Variants in TEAD4 observed in about 807,000 individuals in gnomAD.
The protein encoded by TEAD4 is TEA domain transcription factor 4.
Under a neutral mutation model 52.4 loss-of-function variants are expected in TEAD4, and 36 were observed. That is an observed-to-expected ratio of 0.69 (90% CI 0.53 to 0.91). The LOEUF is 0.91. TEAD4 is among the 40% of genes least tolerant of loss of function. The pLI, the probability that TEAD4 is intolerant of heterozygous loss-of-function variation, is 0.00. For synonymous variants in TEAD4, 220 were observed against 231.0 expected (o/e 0.95, Z 0.43); for missense variants, 508 against 583.9 (o/e 0.87, Z 1.34).
rs182934115 is a variant in TEAD4 at position 3,025,185 on chromosome 12, C to T, written c.897+3168C>T. ...TCTTGAACTCCTGACCTCAGGCGAT[C>T]TGCCCACCTCAGCCTCCCAGTGCTG... On this transcript the variant is annotated intron_variant, in intron 10 of 12. Coordinates refer to ENST00000359864, the MANE Select transcript of TEAD4 (RefSeq NM_003213.4). 4.7e-3 allele frequency among the ~76,000 whole-genome samples: 713 copies of T among 152,306 alleles called. 7 individuals are homozygous for T. The highest frequency in any genetic ancestry group is 0.016 in the African/African-American group (683 of 41,572).
At chr12:3,011,214 A>G (rs2153956615) in intron 4 of TEAD4, 146 bp downstream of exon 4, 1 of 715,588 alleles carries the variant, frequency 1.4e-6, no homozygotes, top group Non-Finnish European at 2.3e-6. Context: ...GGCGTGTCAC[A>G]GGTGGTCCAG....
rs1354224261 is a variant in TEAD4 at position 2,994,774 on chromosome 12, G to C, written c.8G>C (p.Gly3Ala). The stretch of plus-strand genomic sequence containing the variant: ...GCTCCTCCAAGCGGAGCCTTGGAGG[G>C]CACGGCCGGCACCATTACCTCCAAC... The change falls in exon 3 of 13, where the codon GGC becomes GCC. Residue 3 changes from glycine (G) to alanine (A), a missense_variant. By Grantham distance (60) the Gly-to-Ala change is moderately conservative. Transcript: ENST00000359864. This position sits in a 1 kb window ranked among gnomAD's most constrained non-coding sequence, Gnocchi z 4.7. 1 of 1,610,266 alleles carries C rather than the reference G, an allele frequency of 6.2e-7. No homozygotes were observed. Among genetic ancestry groups the C allele is most frequent in the Admixed American group, 1.7e-5 (1 of 59,706 alleles).
chr12:3,028,582 T>G (rs373271175), intron 10 of TEAD4, among the ~76,000 whole-genome samples: 4 of 152,350 alleles, frequency 2.6e-5, no homozygotes, highest in African/African-American at 9.6e-5. Flanking sequence ...ATGTGCTTAC[T>G]GGCCATTCGT....
At chr12:2,975,249 C>T (rs919532926) in intron 2 of TEAD4, among the ~76,000 whole-genome samples, 10 of 151,532 alleles carry the variant, frequency 6.6e-5, no homozygotes, top group Admixed American at 3.3e-4. Context: ...GTAGACTTCC[C>T]GTAGATACAT....
chr12:3,019,941 T>C (rs368137064), intron 8 of TEAD4, among the ~76,000 whole-genome samples: 4 of 152,220 alleles, frequency 2.6e-5, no homozygotes, highest in Admixed American at 1.3e-4. Context: ...ACTCCAGGCC[T>C]GCTGGCTTTT....
chr12:3,003,664 G>A (rs1314250232), intron 3 of TEAD4, among the ~76,000 whole-genome samples: 1 of 152,162 alleles, frequency 6.6e-6, no homozygotes, highest in African/African-American at 2.4e-5. Flanking sequence ...CCGTGGGTGT[G>A]AGCTGGGGGC....
intron 3 of TEAD4, among the ~76,000 whole-genome samples, chr12:3,009,462 A>G (rs1485615244): frequency 6.6e-6 from 1 of 152,184 alleles, no homozygotes; most frequent in African/African-American, 2.4e-5. Context: ...AAAGAAGAAG[A>G]GAAGGCTGAG....
At chr12:3,017,324 C>A in intron 5 of TEAD4, 74 bp from the exon 6 acceptor site, 1 of 1,601,724 alleles carries the variant, frequency 6.2e-7, no homozygotes, top group East Asian at 2.2e-5. Context: ...TTCCCTGACC[C>A]GAGGGCCGGA....
At chr12:2,996,841 G>C (rs984871436) in intron 3 of TEAD4, among the ~76,000 whole-genome samples, 1 of 152,110 alleles carries the variant, frequency 6.6e-6, no homozygotes, top group Admixed American at 6.6e-5. Context: ...TCACCCTCCC[G>C]AGTAGTTGGG....
chr12:3,011,531 C>T (rs550899435), intron 4 of TEAD4, among the ~76,000 whole-genome samples: 11 of 152,028 alleles, frequency 7.2e-5, no homozygotes, highest in African/African-American at 1.7e-4. Context: ...CACCCCCGGC[C>T]GGGTGGTCCA....
intron 3 of TEAD4, among the ~76,000 whole-genome samples, chr12:2,995,559 AC>A (rs768197155): frequency 3.3e-5 from 5 of 152,066 alleles, no homozygotes; most frequent in South Asian, 2.1e-4. Context: ...GCCCCCCCCA[AC>A]CCAGCAGAGG....
chr12:2,975,966 A>G (rs2098229320), intron 2 of TEAD4, among the ~76,000 whole-genome samples: 1 of 151,614 alleles, frequency 6.6e-6, no homozygotes, highest in South Asian at 2.1e-4. Flanking sequence ...TCTCTCACTA[A>G]GTAATACGCA....
In TEAD4 at chr12:2,975,676, C is replaced by T. The variant is rs2098229052; in HGVS notation, c.-30+15636C>T. ...GTGCTGGGATTACAGGCATGAGCCA[C>T]CGTGCCCAGCCAGCACATTATTAGA... On this transcript the variant is annotated intron_variant, in intron 2 of 12. Coordinates refer to ENST00000359864, the MANE Select transcript of TEAD4 (RefSeq NM_003213.4). 2.0e-5 allele frequency among the ~76,000 whole-genome samples: 3 copies of T among 152,250 alleles called. No individual in the cohort carries two copies. In the South Asian group the frequency reaches 6.2e-4, roughly 32 times the overall value.
At chr12:2,983,178 A>G (rs1419989147) in intron 2 of TEAD4, among the ~76,000 whole-genome samples, 1 of 152,226 alleles carries the variant, frequency 6.6e-6, no homozygotes, top group Admixed American at 6.5e-5. Context: ...TTAATTAATT[A>G]AGTATTAATA....
intron 2 of TEAD4, among the ~76,000 whole-genome samples, chr12:2,971,640 T>A (rs1311768522): frequency 3.3e-5 from 5 of 150,920 alleles, no homozygotes; most frequent in African/African-American, 1.2e-4. Context: ...CACACCTGGC[T>A]AATTTTTTGT....
chr12:2,973,051 A>G (rs2153952945), intron 2 of TEAD4, among the ~76,000 whole-genome samples: 1 of 151,870 alleles, frequency 6.6e-6, no homozygotes, highest in South Asian at 2.1e-4. Flanking sequence ...GTTCATTCCT[A>G]TAATTTTGCC....
Position 2,964,285 on chromosome 12 carries a change from G to A in TEAD4, c.-30+4245G>A, listed in dbSNP as rs112154151. On this transcript the variant is annotated intron_variant, in intron 2 of 12. Coordinates refer to ENST00000359864, the MANE Select transcript of TEAD4 (RefSeq NM_003213.4). ...CCTCAAGCCCCTGAGATGTCTTTGC[G>A]AATCATCCTGGCTGGGATAAAAGGC... Among the ~76,000 whole-genome samples, 573 of 152,238 alleles carry A rather than the reference G, an allele frequency of 3.8e-3. 2 individuals carry two copies. The highest frequency in any genetic ancestry group is 0.013 in the African/African-American group (542 of 41,554).
intron 5 of TEAD4, among the ~76,000 whole-genome samples, chr12:3,013,305 C>T (rs1391937148): frequency 3.4e-5 from 5 of 148,672 alleles, no homozygotes; most frequent in African/African-American, 7.4e-5. Context: ...TTCTTTTCTT[C>T]CCCCAACAAA....
Position 2,959,857 on chromosome 12 carries a change from G to A in TEAD4, c.-122-91G>A, listed in dbSNP as rs952626820. On this transcript the variant is annotated intron_variant, in intron 1 of 12. Coordinates refer to ENST00000359864, the MANE Select transcript of TEAD4 (RefSeq NM_003213.4). The surrounding 1 kb of genome is among the most constrained non-coding windows in gnomAD (Gnocchi z 5.1). ...CACCGGGGCCGGTCGGCGCGGGGTG[G>A]GCTTGGCCCCGCGGCCCCGCCTTCA... is the stretch of plus-strand genomic sequence containing the variant. The A allele has an allele frequency of 3.3e-5, 5 of 151,584 alleles. No homozygotes were observed. The highest frequency in any genetic ancestry group is 1.3e-4 in the Admixed American group (2 of 15,202). 9.4% of individuals were successfully genotyped at this position (151,584 alleles called of 1,614,324 possible). A position where few individuals can be genotyped will look rare whatever the true frequency, so the allele number is the denominator to read the frequency against.
Sources: allele counts gnomAD v4.1 joint callset (sites outside exome capture counted in the v4.1 genomes callset), GRCh38; gene constraint gnomAD v4.1.1; non-coding constraint Gnocchi (gnomAD v3.1); transcripts MANE v1.5; gene names NCBI Gene and HGNC (gene_info 2026-07-23, HGNC 2026-07-21).